SIK2: variants seen among roughly 807,000 people sequenced by gnomAD.
SIK2 encodes the protein salt inducible kinase 2.
Under a neutral mutation model 103.2 loss-of-function variants are expected in SIK2, and 29 were observed. The ratio of observed to expected loss-of-function variants is 0.28; its 90% CI spans 0.21 to 0.38. The LOEUF (loss-of-function observed/expected upper bound fraction) is 0.38. Ranked by LOEUF, SIK2 falls within the 10% of genes least tolerant of loss-of-function variation. The pLI is 1.00. For synonymous variants in SIK2, 412 were observed against 446.1 expected (o/e 0.92, Z 0.96); for missense variants, 879 against 1,171.0 (o/e 0.75, Z 3.64).
rs773262008 is a variant in SIK2, at chr11:111,721,899, C to T, written c.2014C>T (p.Arg672Trp). 1.2e-6 allele frequency: 2 copies of T among 1,611,758 alleles called. No homozygotes were observed. Among genetic ancestry groups the T allele is most frequent in the Non-Finnish European group, 1.7e-6 (2 of 1,178,800 alleles). The change falls in exon 13 of 15, where the codon CGG (arginine) becomes TGG (tryptophan). Residue 672 changes from arginine (R) to tryptophan (W), a missense_variant. This residue lies in a region of SIK2 where 375 missense variants were observed against 416.3 expected (regional missense o/e 0.90). Transcript: ENST00000304987. ...PASVHPQLSP[R>W]QSLETQYLQH... is the part of the protein sequence containing the mutation. ...CAGCGTGCATCCCCAGCTGTCCCCA[C>T]GGCAGAGCCTGGAGACCCAGTACCT...
intron 3 of SIK2, among the ~76,000 whole-genome samples, chr11:111,628,933 G>C (rs1006136077): frequency 1.1e-4 from 17 of 152,152 alleles, no homozygotes; most frequent in African/African-American, 4.1e-4. Context: ...TTAGGAGTAG[G>C]AGAAGGGGTT....
intron 3 of SIK2, among the ~76,000 whole-genome samples, chr11:111,681,134 G>T (rs1942772502): frequency 6.6e-6 from 1 of 152,216 alleles, no homozygotes; most frequent in African/African-American, 2.4e-5. Flanking sequence ...CAAATTTGGA[G>T]ATTATTCTTA....
intron 3 of SIK2, among the ~76,000 whole-genome samples, chr11:111,662,045 A>G (rs767626106): frequency 2.6e-5 from 4 of 152,198 alleles, no homozygotes; most frequent in Non-Finnish European, 4.4e-5. Context: ...TTTCACATAC[A>G]TCTTTTAACA....
intron 3 of SIK2, among the ~76,000 whole-genome samples, chr11:111,674,951 T>G (rs750977549): frequency 6.6e-6 from 1 of 152,220 alleles, no homozygotes; most frequent in Non-Finnish European, 1.5e-5. Flanking sequence ...TTCACCATGT[T>G]AGCCAGGCTG....
intron 3 of SIK2, among the ~76,000 whole-genome samples, chr11:111,644,309 G>T (rs1342198867): frequency 6.9e-6 from 1 of 144,378 alleles, no homozygotes; most frequent in African/African-American, 2.5e-5. Flanking sequence ...AAAAAAGAAA[G>T]AAAGAAAAAA....
At chr11:111,653,552 G>C (rs1175297307) in intron 3 of SIK2, among the ~76,000 whole-genome samples, 1 of 152,338 alleles carries the variant, frequency 6.6e-6, no homozygotes, top group African/African-American at 2.4e-5. Flanking sequence ...TTCAGAGAGA[G>C]GTTCCTAAAA....
At chr11:111,690,264 A>C (rs888943739) in intron 4 of SIK2, among the ~76,000 whole-genome samples, 9 of 144,548 alleles carry the variant, frequency 6.2e-5, no homozygotes, top group Admixed American at 2.8e-4. Flanking sequence ...TTTTCAGAGA[A>C]GGTCTTTCTT....
intron 1 of SIK2, among the ~76,000 whole-genome samples, chr11:111,604,311 C>A (rs140597449): frequency 6.6e-6 from 1 of 152,342 alleles, no homozygotes; most frequent in East Asian, 1.9e-4. Context: ...TAATGACTTT[C>A]TAAAAACAAA....
At chr11:111,655,362 C>T (rs1220578565) in intron 3 of SIK2, among the ~76,000 whole-genome samples, 1 of 152,194 alleles carries the variant, frequency 6.6e-6, no homozygotes. Flanking sequence ...CAAGATTGCG[C>T]CACTGCACTC....
intron 3 of SIK2, among the ~76,000 whole-genome samples, chr11:111,641,902 C>T (rs373043962): frequency 2.8e-4 from 42 of 152,296 alleles, no homozygotes; most frequent in African/African-American, 9.6e-4. Flanking sequence ...TTGGAAGAGT[C>T]GCTTACCTTT....
At chr11:111,716,433 C>A (rs1263036607) in intron 9 of SIK2, among the ~76,000 whole-genome samples, 1 of 151,986 alleles carries the variant, frequency 6.6e-6, no homozygotes, top group Non-Finnish European at 1.5e-5. Context: ...AAAAATTAGC[C>A]AGGCATGGTG....
chr11:111,606,398 C>T (rs1941648490), intron 1 of SIK2, among the ~76,000 whole-genome samples: 1 of 151,960 alleles, frequency 6.6e-6, no homozygotes, highest in Admixed American at 6.6e-5. Context: ...CATTATGGCA[C>T]TAGTCTTTTT....
At chr11:111,605,285 A>G (rs1361994117) in intron 1 of SIK2, among the ~76,000 whole-genome samples, 1 of 152,160 alleles carries the variant, frequency 6.6e-6, no homozygotes, top group South Asian at 2.1e-4. Flanking sequence ...AAAGTATTCC[A>G]TGGGAGTAAC....
In SIK2 at chr11:111,616,377, A is replaced by C. The variant is rs767639241; in HGVS notation, c.252+18A>C. 1 of 1,348,772 alleles carries C rather than the reference A, an allele frequency of 7.4e-7. No individual in the cohort carries two copies. 83.6% of individuals were successfully genotyped at this position (1,348,772 alleles called of 1,614,324 possible). Reference sequence around the variant, plus strand: ...TTTATCAGGTATGACTCAGCCTAACACTATCTCCATTCATTCCACAAGATA... The same window carrying C: ...TTTATCAGGTATGACTCAGCCTAACCCTATCTCCATTCATTCCACAAGATA... On this transcript the variant is annotated intron_variant, in intron 2 of 14. Coordinates refer to ENST00000304987, the MANE Select transcript of SIK2 (RefSeq NM_015191.3).
chr11:111,673,004 G>A (rs1942650395), intron 3 of SIK2, among the ~76,000 whole-genome samples: 2 of 152,278 alleles, frequency 1.3e-5, no homozygotes, highest in Middle Eastern at 3.4e-3. Flanking sequence ...AATAATGATT[G>A]GAAACCCATG....
At chr11:111,695,065 C>G (rs1943038038) in intron 4 of SIK2, among the ~76,000 whole-genome samples, 1 of 152,180 alleles carries the variant, frequency 6.6e-6, no homozygotes, top group Non-Finnish European at 1.5e-5. Context: ...GTTGGCCGAT[C>G]CACATTCAGT....
intron 9 of SIK2, among the ~76,000 whole-genome samples, chr11:111,714,343 GT>G (rs1943580454): frequency 6.6e-6 from 1 of 152,212 alleles, no homozygotes; most frequent in Non-Finnish European, 1.5e-5. Context: ...TGGGGATAGG[GT>G]TTGGTATCAG....
rs146824976 is a variant in SIK2 at position 111,659,582 on chromosome 11, G to A, written c.317-28419G>A. On this transcript the variant is annotated intron_variant, in intron 3 of 14. Coordinates refer to ENST00000304987, the MANE Select transcript of SIK2 (RefSeq NM_015191.3). ...CTCACTGTCCCAGCTGGCTTCCTCC[G>A]TCGCTTATTCCTTTTACAATGGCTC... Among the ~76,000 whole-genome samples the A allele has an allele frequency of 6.7e-3, 1,007 of 151,128 alleles. 8 individuals are homozygous for A. Among genetic ancestry groups the A allele is most frequent in the Middle Eastern group, 0.054 (16 of 294 alleles).
chr11:111,663,504 G>C (rs1157612304), intron 3 of SIK2, among the ~76,000 whole-genome samples: 1 of 152,144 alleles, frequency 6.6e-6, no homozygotes, highest in Admixed American at 6.5e-5. Context: ...GGGTCTAATA[G>C]ACCATGGTAG....
Sources: allele counts gnomAD v4.1 joint callset (sites outside exome capture counted in the v4.1 genomes callset), GRCh38; gene constraint gnomAD v4.1.1; regional missense constraint gnomAD v4.1.1; transcripts MANE v1.5; gene names NCBI Gene and HGNC (gene_info 2026-07-23, HGNC 2026-07-21).